Variants in CYP7B1 observed in about 807,000 individuals in gnomAD.
CYP7B1 encodes the protein cytochrome P450 family 7 subfamily B member 1, also known as cytochrome P450 7B1.
Under a neutral mutation model 42.7 loss-of-function variants are expected in CYP7B1, and 29 were observed. That is an observed-to-expected ratio of 0.68 (90% CI 0.51 to 0.93). The LOEUF is 0.93. Among genes scored for constraint, CYP7B1 ranks in the 40% least tolerant of loss-of-function variants. The probability of loss-of-function intolerance (pLI) is 0.00; values close to 1 mark genes in which losing one functional copy is unlikely to be tolerated. For missense variants in CYP7B1, 655 were observed against 600.5 expected, an observed-to-expected ratio of 1.09 and a Z score of -0.95; for synonymous variants, 235 against 218.2, an observed-to-expected ratio of 1.08 and a Z score of -0.68.
At position 64,624,414 on chromosome 8, in the gene CYP7B1, A is replaced by G. The variant is rs781736228; in HGVS notation, c.248T>C (p.Val83Ala). 6.2e-7 allele frequency: 1 copy of G among 1,614,008 alleles called. No homozygotes were observed. Among genetic ancestry groups the G allele is most frequent in the South Asian group, 1.1e-5 (1 of 91,072 alleles). Residue 83 changes from valine to alanine, a missense_variant, in exon 2 of 6, where the codon GTT (valine) becomes GCT (alanine). Coordinates refer to ENST00000310193, the MANE Select transcript of CYP7B1 (RefSeq NM_004820.5). ...LQKQHGDTFT[V>A]LLGGKYITFI... ...GAAGTGCTTCTTACCACCAAGAAGA[A>G]CTGTGAAAGTGTCACCATGTTGCTT...
intron 1 of CYP7B1, among the ~76,000 whole-genome samples, chr8:64,781,320 T>A (rs911761886): frequency 6.6e-5 from 10 of 152,174 alleles, no homozygotes; most frequent in African/African-American, 2.2e-4. Flanking sequence ...ACTAGTTTTC[T>A]AAGAATGTTA....
At chr8:64,632,223 A>G (rs368105305) in intron 1 of CYP7B1, among the ~76,000 whole-genome samples, 3 of 152,294 alleles carry the variant, frequency 2.0e-5, no homozygotes, top group African/African-American at 7.2e-5. Context: ...TAAACATACA[A>G]TGCAATACTA....
intron 1 of CYP7B1, among the ~76,000 whole-genome samples, chr8:64,746,983 CTA>C (rs1424933679): frequency 1.3e-5 from 2 of 151,196 alleles, no homozygotes; most frequent in Admixed American, 6.6e-5. Context: ...AAAATAAATT[CTA>C]TGTTATTGAC....
At chr8:64,632,429 G>C (rs1805710342) in intron 1 of CYP7B1, among the ~76,000 whole-genome samples, 1 of 151,940 alleles carries the variant, frequency 6.6e-6, no homozygotes, top group African/African-American at 2.4e-5. Flanking sequence ...GGGAGGAAAT[G>C]GGGAGTTTCT....
At chr8:64,639,866 CTATT>C (rs547238663) in intron 1 of CYP7B1, among the ~76,000 whole-genome samples, 1 of 151,766 alleles carries the variant, frequency 6.6e-6, no homozygotes, top group Non-Finnish European at 1.5e-5. Flanking sequence ...ATTCATATGT[CTATT>C]GATTAGTGAA....
chr8:64,623,157 A>C (rs757088030), intron 2 of CYP7B1, among the ~76,000 whole-genome samples: 2 of 152,228 alleles, frequency 1.3e-5, no homozygotes, highest in Non-Finnish European at 2.9e-5. Flanking sequence ...CCATCTCTCT[A>C]CATGTGCCCC....
At chr8:64,776,534 C>A (rs1386067869) in intron 1 of CYP7B1, among the ~76,000 whole-genome samples, 1 of 152,122 alleles carries the variant, frequency 6.6e-6, no homozygotes, top group East Asian at 1.9e-4. Context: ...CATATAAACA[C>A]AGTACTTGAG....
At chr8:64,644,590 G>A (rs1246534083) in intron 1 of CYP7B1, among the ~76,000 whole-genome samples, 1 of 152,134 alleles carries the variant, frequency 6.6e-6, no homozygotes, top group Non-Finnish European at 1.5e-5. Context: ...GCTCTTGGGT[G>A]ACTAGGTGTG....
chr8:64,695,603 C>CT lies in CYP7B1; in HGVS notation c.123-71065dup, dbSNP rs35575527. Among the ~76,000 whole-genome samples the CT allele has an allele frequency of 5.5e-3, 550 of 100,128 alleles. 11 individuals are homozygous for CT. The highest frequency in any genetic ancestry group is 0.015 in the South Asian group (38 of 2,582). The allele number at this position is 100,128 out of a possible 152,430, so 65.7% of individuals were successfully genotyped here. Reference sequence around the variant, plus strand: ...CAAAATAAAACATGTTATCAAATTCCTTTTTTTTTTTTTTTTTTTTTTTTT... The same window carrying CT: ...CAAAATAAAACATGTTATCAAATTCCTTTTTTTTTTTTTTTTTTTTTTTTTT... On this transcript the variant is annotated intron_variant, in intron 1 of 5. Coordinates refer to ENST00000310193, the MANE Select transcript of CYP7B1 (RefSeq NM_004820.5).
intron 2 of CYP7B1, among the ~76,000 whole-genome samples, chr8:64,616,491 T>C (rs975832147): frequency 2.6e-5 from 4 of 152,304 alleles, no homozygotes; most frequent in Admixed American, 1.3e-4. Context: ...AAGTTAAATA[T>C]CCTGAAGTTC....
At chr8:64,754,870 T>C (rs1040224637) in intron 1 of CYP7B1, among the ~76,000 whole-genome samples, 4 of 152,210 alleles carry the variant, frequency 2.6e-5, no homozygotes, top group African/African-American at 9.6e-5. Context: ...GTAAGGCCTA[T>C]ATTTCTATAG....
intron 5 of CYP7B1, among the ~76,000 whole-genome samples, chr8:64,598,854 A>G (rs1297348921): frequency 2.0e-5 from 3 of 152,260 alleles, no homozygotes; most frequent in Non-Finnish European, 4.4e-5. Flanking sequence ...ATTTTATGAA[A>G]CTAAAATGGA....
At chr8:64,770,464 A>G (rs535787192) in intron 1 of CYP7B1, among the ~76,000 whole-genome samples, 1 of 152,342 alleles carries the variant, frequency 6.6e-6, no homozygotes, top group South Asian at 2.1e-4. Flanking sequence ...TTTCCAGTAT[A>G]TTCTCTGCCC....
intron 1 of CYP7B1, among the ~76,000 whole-genome samples, chr8:64,770,166 G>C (rs1165906925): frequency 3.3e-5 from 5 of 152,006 alleles, no homozygotes; most frequent in African/African-American, 1.2e-4. Context: ...ACTACTCTAA[G>C]AACATGGAGG....
intron 1 of CYP7B1, among the ~76,000 whole-genome samples, chr8:64,709,319 A>G (rs1282378000): frequency 2.0e-5 from 3 of 152,224 alleles, no homozygotes; most frequent in South Asian, 4.1e-4. Context: ...TCTTTCTTGT[A>G]TCTTATTTAT....
chr8:64,727,736 C>G (rs1385482250), intron 1 of CYP7B1, among the ~76,000 whole-genome samples: 2 of 152,112 alleles, frequency 1.3e-5, no homozygotes, highest in Non-Finnish European at 2.9e-5. Context: ...GACTGACAGA[C>G]TTAAAACCAA....
chr8:64,613,074 C>A (rs1170583162), intron 4 of CYP7B1, among the ~76,000 whole-genome samples: 1 of 152,142 alleles, frequency 6.6e-6, no homozygotes, highest in Non-Finnish European at 1.5e-5. Flanking sequence ...TTTAAATTCT[C>A]GTAATGAACA....
At chr8:64,644,483 AGAATT>A (rs1805917529) in intron 1 of CYP7B1, among the ~76,000 whole-genome samples, 1 of 152,186 alleles carries the variant, frequency 6.6e-6, no homozygotes, top group Admixed American at 6.5e-5. Flanking sequence ...TTAAATAATA[AGAATT>A]TAAAGTCAAA....
intron 1 of CYP7B1, among the ~76,000 whole-genome samples, chr8:64,752,992 C>A (rs1052644164): frequency 6.6e-6 from 1 of 152,152 alleles, no homozygotes; most frequent in Non-Finnish European, 1.5e-5. Context: ...CATACACACA[C>A]ACACACAATT....
Sources: gnomAD v4.1 joint callset for allele counts (sites outside exome capture counted in the v4.1 genomes callset) on GRCh38, gnomAD v4.1.1 for gene constraint, MANE v1.5 for transcripts, NCBI Gene and HGNC (gene_info 2026-07-23, HGNC 2026-07-21) for gene names.